The following ARHGAP26 variants were observed in gnomAD, a reference collection of about 807,000 sequenced individuals.
ARHGAP26 encodes rho GTPase-activating protein 26.
ARHGAP26 carries 38 observed loss-of-function variants against 104.8 expected under a neutral mutation model. That is an observed-to-expected ratio of 0.36 (90% confidence interval 0.28 to 0.48). The LOEUF is 0.48. Among genes scored for constraint, ARHGAP26 ranks in the 20% least tolerant of loss-of-function variants. ARHGAP26 has a pLI of 0.99. For synonymous variants in ARHGAP26, 341 were observed against 340.0 expected (o/e 1.00, Z -0.03); for missense variants, 704 against 947.9 (o/e 0.74, Z 3.38).
intron 11 of ARHGAP26, among the ~76,000 whole-genome samples, chr5:143,012,537 T>TTATATATATACATACATACATATATATA (rs752338630): frequency 4.5e-4 from 8 of 17,660 alleles, no homozygotes; most frequent in African/African-American, 1.4e-3. Flanking sequence ...AGGGATATAT[T>TTATATATATACATACATACATATATATA]TATATACATA....
chr5:142,966,661 T>C (rs1598421313), intron 11 of ARHGAP26, among the ~76,000 whole-genome samples: 1 of 152,236 alleles, frequency 6.6e-6, no homozygotes, highest in East Asian at 1.9e-4. Flanking sequence ...TCCAAGTCTG[T>C]AATTGAGAAG....
rs116770933 is a variant in ARHGAP26, at chr5:142,909,143, A to G, written c.933+1339A>G. On this transcript the variant is annotated intron_variant, in intron 9 of 22. Coordinates refer to ENST00000645722, the MANE Select transcript of ARHGAP26 (RefSeq NM_001135608.3). ...TTGAGTTTCGCCTCCTTCCCATTCT[A>G]TTGTCTCCCTCTGGAGATATTTAAA... Among the ~76,000 whole-genome samples, 736 of 151,950 alleles carry G rather than the reference A, an allele frequency of 4.8e-3. 5 individuals carry two copies. The highest frequency in any genetic ancestry group is 0.017 in the African/African-American group (712 of 41,396).
chr5:142,925,478 G>A lies in ARHGAP26; in HGVS notation c.1029-6569G>A, dbSNP rs3776404. 7.2e-5 allele frequency among the ~76,000 whole-genome samples: 11 copies of A among 152,268 alleles called. No individual in the cohort carries two copies. The East Asian group carries it at 2.1e-3, about 29-fold the overall frequency. ...AATCTCATAAACAGACATGGAAAAGGTGTCATTCTCCAAGATTATTCTATG... is the reference window on the plus strand; with the variant it reads ...AATCTCATAAACAGACATGGAAAAGATGTCATTCTCCAAGATTATTCTATG... On this transcript the variant is annotated intron_variant, in intron 10 of 22. Transcript: ENST00000645722.
intron 11 of ARHGAP26, among the ~76,000 whole-genome samples, chr5:142,985,386 A>G (rs1308017415): frequency 6.6e-6 from 1 of 152,200 alleles, no homozygotes; most frequent in Non-Finnish European, 1.5e-5. Context: ...AGTCTACAGT[A>G]TTGTGCAGTA....
In ARHGAP26 at chr5:142,770,529, C is replaced by G; in HGVS notation, c.-233C>G. 4.9e-6 allele frequency: 1 copy of G among 202,486 alleles called. No homozygotes were observed. Among genetic ancestry groups the G allele is most frequent in the Non-Finnish European group, 9.8e-6 (1 of 102,136 alleles). 12.5% of individuals were successfully genotyped at this position (202,486 alleles called of 1,614,324 possible). On this transcript the variant is annotated 5_prime_UTR_variant, in exon 1 of 23. Coordinates refer to ENST00000645722, the MANE Select transcript of ARHGAP26 (RefSeq NM_001135608.3). ...GCGGGTCCGCGCTGCGTTTCCTGCT[C>G]GCGATCCGCTCCGTTGCCCGCGCCC...
At chr5:142,990,829 A>T (rs1775483689) in intron 11 of ARHGAP26, among the ~76,000 whole-genome samples, 1 of 152,126 alleles carries the variant, frequency 6.6e-6, no homozygotes, top group Non-Finnish European at 1.5e-5. Context: ...TGGAAGCTTC[A>T]TCTCAGAGGG....
intron 11 of ARHGAP26, among the ~76,000 whole-genome samples, chr5:142,949,233 G>T (rs866143371): frequency 1.6e-4 from 3 of 19,270 alleles, no homozygotes; most frequent in South Asian, 3.7e-3. Context: ...AGAGAGAGAG[G>T]AGAGAGAGAG....
chr5:143,210,398 G>A (rs375589763), intron 21 of ARHGAP26, among the ~76,000 whole-genome samples: 6 of 152,124 alleles, frequency 3.9e-5, no homozygotes, highest in South Asian at 2.1e-4. Context: ...CCCACAACAC[G>A]GGAATGATGG....
chr5:143,005,555 T>C (rs574259419), intron 11 of ARHGAP26, among the ~76,000 whole-genome samples: 1 of 152,192 alleles, frequency 6.6e-6, no homozygotes, highest in African/African-American at 2.4e-5. Context: ...AAAATGAGGG[T>C]GGTATCCCTG....
At chr5:142,988,396 T>C (rs1313268882) in intron 11 of ARHGAP26, among the ~76,000 whole-genome samples, 1 of 152,188 alleles carries the variant, frequency 6.6e-6, no homozygotes, top group East Asian at 1.9e-4. Context: ...TCTTTATTAG[T>C]CTTGCTAGTG....
At chr5:143,029,951 C>A (rs1381787151) in intron 12 of ARHGAP26, among the ~76,000 whole-genome samples, 1 of 152,080 alleles carries the variant, frequency 6.6e-6, no homozygotes, top group Non-Finnish European at 1.5e-5. Context: ...GATTTCCCTC[C>A]CCAGGGTTTG....
chr5:142,868,279 T>C (rs1159630232), intron 1 of ARHGAP26, among the ~76,000 whole-genome samples: 2 of 152,112 alleles, frequency 1.3e-5, no homozygotes, highest in Non-Finnish European at 2.9e-5. Context: ...CCCCGGGAAC[T>C]GGCAGAGGCT....
At chr5:143,048,082 C>T (rs765070157) in intron 14 of ARHGAP26, among the ~76,000 whole-genome samples, 5 of 152,170 alleles carry the variant, frequency 3.3e-5, no homozygotes, top group Non-Finnish European at 4.4e-5. Context: ...CTCCTGACCT[C>T]AAGTGATCCA....
rs1036294536 is a variant in ARHGAP26 at position 143,227,159 on chromosome 5, C to A, written c.*4713C>A. The A allele has an allele frequency of 6.1e-5, 14 of 230,060 alleles. No individual in the cohort carries two copies. In the East Asian group the frequency reaches 6.8e-4, roughly 11 times the overall value. The allele number at this position is 230,060 out of a possible 1,614,324, so 14.3% of individuals were successfully genotyped here. On this transcript the variant is annotated 3_prime_UTR_variant, in exon 23 of 23. Transcript: ENST00000645722. Reference sequence around the variant, plus strand: ...CTGAGTTTTGTGGACATGGCACTCCCGGAGACAGCAGTGGCCACCATGGCA... The same window carrying A: ...CTGAGTTTTGTGGACATGGCACTCCAGGAGACAGCAGTGGCCACCATGGCA...
chr5:143,145,795 T>A (rs1799081941), intron 19 of ARHGAP26, among the ~76,000 whole-genome samples: 1 of 152,204 alleles, frequency 6.6e-6, no homozygotes, highest in Non-Finnish European at 1.5e-5. Flanking sequence ...CTCTCTCCTG[T>A]GGGGCTTTAT....
intron 11 of ARHGAP26, among the ~76,000 whole-genome samples, chr5:142,983,076 T>A (rs557922251): frequency 2.6e-5 from 4 of 152,338 alleles, no homozygotes; most frequent in South Asian, 4.1e-4. Flanking sequence ...GCTGGTGGTG[T>A]GGAGGAGGAC....
At chr5:143,035,804 T>C (rs1284819401) in intron 12 of ARHGAP26, among the ~76,000 whole-genome samples, 1 of 151,440 alleles carries the variant, frequency 6.6e-6, no homozygotes, top group African/African-American at 2.4e-5. Flanking sequence ...GATGTGGTGG[T>C]GGGTGCCTGT....
chr5:143,027,000 T>C (rs958245564), intron 12 of ARHGAP26, among the ~76,000 whole-genome samples: 1 of 151,994 alleles, frequency 6.6e-6, no homozygotes, highest in African/African-American at 2.4e-5. Flanking sequence ...GGATATAGGG[T>C]GTGAGAGAAA....
At chr5:143,203,853 A>T (rs1348445605) in intron 20 of ARHGAP26, 1 of 152,022 alleles carries the variant, frequency 6.6e-6, no homozygotes, top group African/African-American at 2.4e-5. Context: ...GTTCTCACTC[A>T]TAAGTGGGAG....
Sources: gnomAD v4.1 joint callset for allele counts (sites outside exome capture counted in the v4.1 genomes callset) on GRCh38, gnomAD v4.1.1 for gene constraint, MANE v1.5 for transcripts, NCBI Gene and HGNC (gene_info 2026-07-23, HGNC 2026-07-21) for gene names.